STXBP6: variants seen among roughly 807,000 people sequenced by gnomAD.
STXBP6 encodes the protein syntaxin binding protein 6, also known as syntaxin-binding protein 6.
In STXBP6, 21 loss-of-function variants were observed where a neutral mutation model predicts 26.9. The ratio of observed to expected loss-of-function variants is 0.78; its 90% confidence interval spans 0.55 to 1.12. The LOEUF is 1.12. STXBP6 is among the 50% of genes most tolerant of loss of function. The pLI is 0.00. For synonymous variants in STXBP6, 97 were observed against 92.6 expected, an observed-to-expected ratio of 1.05 and a Z score of -0.27; for missense variants, 232 against 257.9, an observed-to-expected ratio of 0.90 and a Z score of 0.69.
chr14:24,858,622 A>G (rs902071676), intron 2 of STXBP6, among the ~76,000 whole-genome samples: 1 of 152,266 alleles, frequency 6.6e-6, no homozygotes, highest in African/African-American at 2.4e-5. Flanking sequence ...AGGAACAACC[A>G]TTCCCTCTAA....
At chr14:25,009,320 A>G (rs1320414697) in intron 1 of STXBP6, among the ~76,000 whole-genome samples, 2 of 152,114 alleles carry the variant, frequency 1.3e-5, no homozygotes, top group Non-Finnish European at 2.9e-5. Context: ...ATATTATTTA[A>G]TTTCCCAGGG....
intron 2 of STXBP6, among the ~76,000 whole-genome samples, chr14:24,971,887 T>G (rs1361710750): frequency 6.6e-6 from 1 of 152,234 alleles, no homozygotes; most frequent in African/African-American, 2.4e-5. Context: ...ATTCTTTTCA[T>G]AGCGGTACCC....
At chr14:25,037,809 A>G (rs1414077041) in intron 1 of STXBP6, among the ~76,000 whole-genome samples, 1 of 152,252 alleles carries the variant, frequency 6.6e-6, no homozygotes, top group Admixed American at 6.5e-5. Flanking sequence ...AGGCAAACTC[A>G]TCTGGAGATC....
intron 2 of STXBP6, among the ~76,000 whole-genome samples, chr14:24,888,486 G>C (rs966083313): frequency 3.3e-5 from 5 of 152,134 alleles, no homozygotes; most frequent in Non-Finnish European, 5.9e-5. Flanking sequence ...CATTTTGGGA[G>C]GCCGAGGTGG....
intron 4 of STXBP6, among the ~76,000 whole-genome samples, chr14:24,843,455 G>A (rs1407710762): frequency 6.6e-6 from 1 of 152,192 alleles, no homozygotes; most frequent in Admixed American, 6.5e-5. Context: ...CAGGACAACA[G>A]GAAGACAGGA....
In STXBP6 at chr14:24,840,700, C is replaced by A. The variant is rs747504548; in HGVS notation, c.451+15236G>T. On this transcript the variant is annotated intron_variant, in intron 4 of 5. Transcript: ENST00000323944. ...TCCCCACATACAGGAGTTTGTAATT[C>A]GAGACAGACACTCATTTCATCAGAG... Among the ~76,000 whole-genome samples the A allele has an allele frequency of 2.0e-5, 3 of 152,294 alleles. No homozygotes were observed. The South Asian group carries it at 6.2e-4, about 32-fold the overall frequency.
intron 1 of STXBP6, chr14:25,010,477 A>T (rs1466999689): frequency 6.6e-6 from 1 of 152,252 alleles, no homozygotes; most frequent in Non-Finnish European, 1.5e-5. Context: ...GGCATAAATT[A>T]ACAAATGTTT....
intron 2 of STXBP6, among the ~76,000 whole-genome samples, chr14:24,880,164 C>T (rs2070303740): frequency 6.6e-6 from 1 of 152,150 alleles, no homozygotes; most frequent in Non-Finnish European, 1.5e-5. Context: ...GCTGGGAAAA[C>T]ATTTTAAAAA....
chr14:24,820,192 G>C (rs1193534748), intron 4 of STXBP6, among the ~76,000 whole-genome samples: 1 of 152,214 alleles, frequency 6.6e-6, no homozygotes, highest in East Asian at 1.9e-4. Context: ...TTATGTCTTT[G>C]AATAAGTTTA....
At chr14:24,858,849 A>G (rs946156019) in intron 2 of STXBP6, among the ~76,000 whole-genome samples, 2 of 152,188 alleles carry the variant, frequency 1.3e-5, no homozygotes, top group Non-Finnish European at 2.9e-5. Context: ...AGGCTTTTCA[A>G]TAACAGGAAA....
chr14:25,017,103 C>G (rs984359450), intron 1 of STXBP6, among the ~76,000 whole-genome samples: 2 of 152,152 alleles, frequency 1.3e-5, no homozygotes, highest in Non-Finnish European at 2.9e-5. Context: ...CATATTTGCA[C>G]TTAAGCACAA....
At chr14:24,865,374 AAG>A (rs1413228247) in intron 2 of STXBP6, among the ~76,000 whole-genome samples, 2 of 152,154 alleles carry the variant, frequency 1.3e-5, no homozygotes, top group Admixed American at 6.5e-5. Flanking sequence ...ATAACCCAGG[AAG>A]AGACTGGCAG....
intron 2 of STXBP6, among the ~76,000 whole-genome samples, chr14:24,861,709 T>C (rs4983025): frequency 0.22 from 33,119 of 152,146 alleles, 3,830 homozygotes; most frequent in African/African-American, 0.27. Context: ...TCTGCTATAG[T>C]TAGTGGGAAA....
At chr14:24,893,937 A>G (rs1280827250) in intron 2 of STXBP6, among the ~76,000 whole-genome samples, 1 of 152,214 alleles carries the variant, frequency 6.6e-6, no homozygotes, top group Non-Finnish European at 1.5e-5. Context: ...ATGATAATTA[A>G]ATATAAATAA....
chr14:24,991,763 A>G (rs186360719), intron 1 of STXBP6, among the ~76,000 whole-genome samples: 1 of 152,364 alleles, frequency 6.6e-6, no homozygotes, highest in East Asian at 1.9e-4. Context: ...TTGGTGACAG[A>G]TAAGTACATC....
chr14:24,994,241 C>T (rs893686064), intron 1 of STXBP6, among the ~76,000 whole-genome samples: 8 of 152,158 alleles, frequency 5.3e-5, no homozygotes, highest in African/African-American at 1.7e-4. Flanking sequence ...ACGGTGATGA[C>T]CTTCTTGCCT....
chr14:24,972,895 T>C (rs1381590733), intron 2 of STXBP6, among the ~76,000 whole-genome samples: 5 of 152,034 alleles, frequency 3.3e-5, no homozygotes, highest in Non-Finnish European at 5.9e-5. Context: ...AGTAGGAGGA[T>C]TGCTTGAGCC....
intron 2 of STXBP6, among the ~76,000 whole-genome samples, chr14:24,957,660 T>C (rs1211262121): frequency 6.6e-6 from 1 of 152,204 alleles, no homozygotes; most frequent in Non-Finnish European, 1.5e-5. Flanking sequence ...TTAATATACA[T>C]TTTCTCCCAC....
intron 4 of STXBP6, among the ~76,000 whole-genome samples, chr14:24,830,710 G>C (rs1423693412): frequency 2.0e-5 from 3 of 152,122 alleles, no homozygotes; most frequent in Admixed American, 6.5e-5. Context: ...TGGGGATGGA[G>C]ATAAAATTTC....
Sources: allele counts gnomAD v4.1 joint callset (sites outside exome capture counted in the v4.1 genomes callset), GRCh38; gene constraint gnomAD v4.1.1; transcripts MANE v1.5; gene names NCBI Gene and HGNC (gene_info 2026-07-23, HGNC 2026-07-21).